Variants in CHRM5 observed in about 807,000 individuals in gnomAD.
CHRM5 encodes cholinergic receptor muscarinic 5.
A neutral mutation model predicts 39.0 loss-of-function variants in CHRM5; 18 were observed. That is an observed-to-expected ratio of 0.46 (90% confidence interval 0.32 to 0.68). The LOEUF is 0.68. CHRM5 is among the 30% of genes least tolerant of loss of function. CHRM5 has a pLI of 0.04. For synonymous variants in CHRM5, 241 were observed against 246.3 expected, an observed-to-expected ratio of 0.98 and a Z score of 0.20; for missense variants, 515 against 651.1, an observed-to-expected ratio of 0.79 and a Z score of 2.28.
At chr15:33,980,479 T>G (rs1216783409) in intron 1 of CHRM5, among the ~76,000 whole-genome samples, 1 of 152,306 alleles carries the variant, frequency 6.6e-6, no homozygotes, top group East Asian at 1.9e-4. Flanking sequence ...GTCCTCTGAT[T>G]TCTCTTGTTG....
intron 1 of CHRM5, among the ~76,000 whole-genome samples, chr15:33,989,346 T>C (rs1414692225): frequency 6.6e-6 from 1 of 152,054 alleles, no homozygotes; most frequent in Non-Finnish European, 1.5e-5. Context: ...TTAGCTTTTG[T>C]ATAGAACTTT....
intron 1 of CHRM5, among the ~76,000 whole-genome samples, chr15:33,993,432 C>A (rs1896808636): frequency 6.6e-6 from 1 of 152,090 alleles, no homozygotes; most frequent in Non-Finnish European, 1.5e-5. Context: ...GAGAGTGTCA[C>A]TGTCAGTGGT....
chr15:34,009,549 TAAAG>T (rs1278707648), intron 1 of CHRM5, among the ~76,000 whole-genome samples: 2 of 151,774 alleles, frequency 1.3e-5, no homozygotes, highest in African/African-American at 2.4e-5. Flanking sequence ...AGCAGTAAAA[TAAAG>T]AAAAAGCATA....
At position 34,031,267 on chromosome 15, in the gene CHRM5, C is replaced by T. The variant is rs931581507; in HGVS notation, c.-407-15273C>T. ...TCAGCTCACTGCAACCTCCGCCTCC[C>T]GGGTTCAAGCGATTCTCCTGTCTCA... On this transcript the variant is annotated intron_variant, in intron 1 of 2. Transcript: ENST00000383263. 4.0e-5 allele frequency among the ~76,000 whole-genome samples: 6 copies of T among 149,480 alleles called. 1 individual carries two copies. In the South Asian group the frequency reaches 1.1e-3, roughly 26 times the overall value.
At chr15:33,979,701 G>A (rs1327725747) in intron 1 of CHRM5, among the ~76,000 whole-genome samples, 1 of 152,110 alleles carries the variant, frequency 6.6e-6, no homozygotes, top group Non-Finnish European at 1.5e-5. Context: ...TGAGAAAAAA[G>A]ACACCAATGG....
intron 1 of CHRM5, among the ~76,000 whole-genome samples, chr15:34,012,580 C>CA (rs1253894206): frequency 3.3e-5 from 5 of 152,136 alleles, no homozygotes; most frequent in Non-Finnish European, 4.4e-5. Context: ...GTCTCTGTCT[C>CA]AGTTAAATTT....
In CHRM5 at chr15:33,968,519, G is replaced by A. The variant is rs193168841; in HGVS notation, c.-1039G>A. Among the ~76,000 whole-genome samples the A allele has an allele frequency of 1.9e-4, 29 of 152,148 alleles. No individual in the cohort carries two copies. The highest frequency in any genetic ancestry group is 2.4e-4 in the Non-Finnish European group (16 of 67,956). On this transcript the variant is annotated 5_prime_UTR_variant, in exon 1 of 3. Transcript: ENST00000383263. ...TTCATTCATGCCAAGTACGCTCACCGTCCAGAGACATGATAAAGCCGTACT... is the reference window on the plus strand; with the variant it reads ...TTCATTCATGCCAAGTACGCTCACCATCCAGAGACATGATAAAGCCGTACT...
chr15:33,970,136 T>C (rs1895571496), intron 1 of CHRM5, among the ~76,000 whole-genome samples: 1 of 151,916 alleles, frequency 6.6e-6, no homozygotes, highest in African/African-American at 2.4e-5. Flanking sequence ...ACTACGGAGA[T>C]CTTGTGGTAA....
At chr15:33,970,008 T>G (rs931220095) in intron 1 of CHRM5, among the ~76,000 whole-genome samples, 1 of 152,044 alleles carries the variant, frequency 6.6e-6, no homozygotes, top group Non-Finnish European at 1.5e-5. Flanking sequence ...TTGGTTTTCA[T>G]GAGTTTCATT....
intron 1 of CHRM5, among the ~76,000 whole-genome samples, chr15:34,013,807 C>T (rs1897742947): frequency 6.6e-6 from 1 of 152,152 alleles, no homozygotes; most frequent in Non-Finnish European, 1.5e-5. Flanking sequence ...AGGAGGATGA[C>T]ATCACAGGCT....
rs559019904 is a variant in CHRM5, at chr15:33,971,790, G to A, written c.-408+2640G>A. ...GGCATTTCAACTAGCCAATATATTT[G>A]TTCCTTATTATGGTTAATTTTCCTT... On this transcript the variant is annotated intron_variant, in intron 1 of 2. Transcript: ENST00000383263. Among the ~76,000 whole-genome samples, 10 of 151,938 alleles carry A rather than the reference G, an allele frequency of 6.6e-5. 1 individual carries two copies. Among genetic ancestry groups the A allele is most frequent in the African/African-American group, 1.9e-4 (8 of 41,488 alleles).
intron 1 of CHRM5, among the ~76,000 whole-genome samples, chr15:34,012,926 CA>C (rs1157837815): frequency 1.3e-5 from 2 of 152,120 alleles, no homozygotes; most frequent in African/African-American, 4.8e-5. Flanking sequence ...CACAAATTTC[CA>C]ATTTCTTAAT....
At chr15:34,039,037 C>A in intron 1 of CHRM5, 1 of 1,112,776 alleles carries the variant, frequency 9.0e-7, no homozygotes, top group Non-Finnish European at 1.1e-6. Context: ...GCTCCTCGCT[C>A]CGCCTGCATC....
At chr15:33,995,838 G>A (rs1174583239) in intron 1 of CHRM5, among the ~76,000 whole-genome samples, 2 of 152,226 alleles carry the variant, frequency 1.3e-5, no homozygotes, top group East Asian at 3.9e-4. Context: ...GTTGGACAGT[G>A]GGTGCAGGCC....
At chr15:33,974,847 C>A (rs1357808825) in intron 1 of CHRM5, among the ~76,000 whole-genome samples, 2 of 152,078 alleles carry the variant, frequency 1.3e-5, no homozygotes, top group Non-Finnish European at 2.9e-5. Context: ...GTGGTGCATG[C>A]CTGTAATCCC....
intron 1 of CHRM5, among the ~76,000 whole-genome samples, chr15:33,970,418 A>T (rs1895584836): frequency 6.6e-6 from 1 of 152,154 alleles, no homozygotes; most frequent in East Asian, 1.9e-4. Flanking sequence ...ATCTAATACA[A>T]CAATTTGTTT....
intron 1 of CHRM5, among the ~76,000 whole-genome samples, chr15:34,023,809 G>A (rs1238439398): frequency 6.6e-6 from 1 of 152,190 alleles, no homozygotes; most frequent in African/African-American, 2.4e-5. Context: ...CCTTCAGGCT[G>A]TGAAGGGCAT....
At chr15:34,031,168 A>ATTTTTTTTTTTTTTTTTTTTTTTTTT (rs34414446) in intron 1 of CHRM5, among the ~76,000 whole-genome samples, 2 of 67,590 alleles carry the variant, frequency 3.0e-5, no homozygotes, top group Non-Finnish European at 5.1e-5. Flanking sequence ...GCTTAGGTTA[A>ATTTTTTTTTTTTTTTTTTTTTTTTTT]TTTTTTTTTT....
intron 1 of CHRM5, chr15:34,038,675 TCTGGCGCGCGC>T: frequency 1.0e-6 from 1 of 992,208 alleles, no homozygotes; most frequent in African/African-American, 1.7e-5. Flanking sequence ...CCGCCGCCCG[TCTGGCGCGCGC>T]CTGGCACGCT....
Sources: gnomAD v4.1 joint callset for allele counts (sites outside exome capture counted in the v4.1 genomes callset) on GRCh38, gnomAD v4.1.1 for gene constraint, MANE v1.5 for transcripts, NCBI Gene and HGNC (gene_info 2026-07-23, HGNC 2026-07-21) for gene names.